The following PTPRD variants were observed in gnomAD, a reference collection of about 807,000 sequenced individuals.
The protein encoded by PTPRD is protein tyrosine phosphatase receptor type D.
Under a neutral mutation model 214.5 loss-of-function variants are expected in PTPRD, and 34 were observed. The ratio of observed to expected loss-of-function variants is 0.16; its 90% CI spans 0.12 to 0.21. The LOEUF (loss-of-function observed/expected upper bound fraction) is 0.21, where lower values mean the gene tolerates loss of function less well. PTPRD is among the 10% of genes least tolerant of loss of function. The pLI is 1.00. For synonymous variants in PTPRD, 1,128 were observed against 845.7 expected, an observed-to-expected ratio of 1.33 and a Z score of -5.79; for missense variants, 2,545 against 2,398.7, an observed-to-expected ratio of 1.06 and a Z score of -1.27.
intron 2 of PTPRD, among the ~76,000 whole-genome samples, chr9:10,372,836 C>T (rs201523876): frequency 6.8e-6 from 1 of 146,632 alleles, no homozygotes. Context: ...TGTTTTTATA[C>T]ATTATTATTA....
intron 10 of PTPRD, among the ~76,000 whole-genome samples, chr9:9,165,461 C>T (rs555504194): frequency 6.6e-6 from 1 of 152,244 alleles, no homozygotes; most frequent in African/African-American, 2.4e-5. Flanking sequence ...AGCGGCAAAG[C>T]CATTTGGTTG....
At chr9:8,326,045 A>G (rs562796317) in intron 44 of PTPRD, among the ~76,000 whole-genome samples, 4 of 152,242 alleles carry the variant, frequency 2.6e-5, no homozygotes, top group Admixed American at 6.5e-5. Context: ...ACTTTTTCTA[A>G]TTGAATAACA....
chr9:9,659,133 T>C (rs2096575947), intron 7 of PTPRD, among the ~76,000 whole-genome samples: 1 of 152,136 alleles, frequency 6.6e-6, no homozygotes, highest in Admixed American at 6.6e-5. Flanking sequence ...CACTAAACTA[T>C]ATATTAGTAT....
intron 2 of PTPRD, among the ~76,000 whole-genome samples, chr9:10,363,092 A>G (rs2097427435): frequency 6.6e-6 from 1 of 152,168 alleles, no homozygotes; most frequent in African/African-American, 2.4e-5. Context: ...CAGCAACTCT[A>G]TTATCTATCT....
chr9:9,829,902 C>T (rs1314836809), intron 5 of PTPRD, among the ~76,000 whole-genome samples: 4 of 151,708 alleles, frequency 2.6e-5, no homozygotes, highest in Non-Finnish European at 4.4e-5. Context: ...TGAGCCCCTA[C>T]AAATAATCAT....
chr9:9,864,911 T>C (rs944733018), intron 5 of PTPRD, among the ~76,000 whole-genome samples: 5 of 152,168 alleles, frequency 3.3e-5, no homozygotes, highest in Admixed American at 6.5e-5. Flanking sequence ...AAAAATTATA[T>C]TTTAGGATAA....
intron 2 of PTPRD, among the ~76,000 whole-genome samples, chr9:10,609,265 T>C (rs2080310001): frequency 6.6e-6 from 1 of 151,720 alleles, no homozygotes; most frequent in Non-Finnish European, 1.5e-5. Context: ...AATTCTGTAA[T>C]TTTGAAAATC....
At chr9:8,656,362 C>A (rs1486437745) in intron 12 of PTPRD, among the ~76,000 whole-genome samples, 3 of 152,186 alleles carry the variant, frequency 2.0e-5, no homozygotes, top group Non-Finnish European at 4.4e-5. Flanking sequence ...ACTTTCAGAG[C>A]CATCTCAAAT....
chr9:9,190,768 T>C (rs1412888068), intron 9 of PTPRD, among the ~76,000 whole-genome samples: 1 of 152,124 alleles, frequency 6.6e-6, no homozygotes, highest in Non-Finnish European at 1.5e-5. Context: ...CAACCCATGA[T>C]AGATAAGTGG....
chr9:10,230,432 C>G (rs1484768663), intron 3 of PTPRD, among the ~76,000 whole-genome samples: 1 of 103,532 alleles, frequency 9.7e-6, no homozygotes, highest in East Asian at 3.5e-4. Context: ...ATCTATGTAT[C>G]TATGTATCTA....
At chr9:9,140,788 C>G (rs534673800) in intron 10 of PTPRD, among the ~76,000 whole-genome samples, 1 of 152,262 alleles carries the variant, frequency 6.6e-6, no homozygotes, top group Admixed American at 6.5e-5. Context: ...CCGTATTAGC[C>G]AGGATGGTCT....
intron 3 of PTPRD, among the ~76,000 whole-genome samples, chr9:10,229,724 G>C (rs2099602056): frequency 8.1e-6 from 1 of 123,840 alleles, no homozygotes. Flanking sequence ...AGGTGGGAGG[G>C]ATAGCATCAG....
chr9:10,123,191 C>G (rs2098790367), intron 3 of PTPRD, among the ~76,000 whole-genome samples: 1 of 152,202 alleles, frequency 6.6e-6, no homozygotes, highest in Admixed American at 6.5e-5. Context: ...AAAGGGGACA[C>G]AGTGAATTGA....
At chr9:8,513,262 ACT>A (rs921945823) in intron 21 of PTPRD, among the ~76,000 whole-genome samples, 2 of 151,800 alleles carry the variant, frequency 1.3e-5, no homozygotes, top group South Asian at 2.1e-4. Flanking sequence ...AAGGAGAAAA[ACT>A]CTCTGACTGT....
At chr9:9,411,221 G>A (rs2075314608) in intron 8 of PTPRD, among the ~76,000 whole-genome samples, 1 of 146,666 alleles carries the variant, frequency 6.8e-6, no homozygotes, top group Admixed American at 6.8e-5. Flanking sequence ...ATTAGAGTTT[G>A]CAATAAATAA....
rs550306242 is a variant in PTPRD, at chr9:8,722,917, G to C, written c.64+10863C>G. On this transcript the variant is annotated intron_variant, in intron 12 of 45. Coordinates refer to ENST00000381196, the MANE Select transcript of PTPRD (RefSeq NM_002839.4). ...ATCGGCTGGTGCAAAGAAAATTTCAGTTAAGCTGTTTAGACAGTGAGTTTA... is the reference window on the plus strand; with the variant it reads ...ATCGGCTGGTGCAAAGAAAATTTCACTTAAGCTGTTTAGACAGTGAGTTTA... Among the ~76,000 whole-genome samples the C allele has an allele frequency of 1.3e-3, 195 of 152,288 alleles. 2 individuals are homozygous for C. Among genetic ancestry groups the C allele is most frequent in the African/African-American group, 4.5e-3 (187 of 41,560 alleles).
chr9:9,766,778 G>C (rs114917188), intron 6 of PTPRD, 32 bp downstream of exon 6: 1 of 152,332 alleles, frequency 6.6e-6, no homozygotes, highest in South Asian at 2.1e-4. Flanking sequence ...CATTTATGGA[G>C]AAATTTTAAA....
intron 9 of PTPRD, among the ~76,000 whole-genome samples, chr9:9,353,937 G>C (rs1013449185): frequency 6.6e-6 from 1 of 151,306 alleles, no homozygotes; most frequent in African/African-American, 2.4e-5. Flanking sequence ...GTTCTTTCAG[G>C]TTATTGAAAA....
At chr9:10,432,587 C>T (rs961344154) in intron 2 of PTPRD, among the ~76,000 whole-genome samples, 3 of 151,956 alleles carry the variant, frequency 2.0e-5, no homozygotes, top group African/African-American at 7.2e-5. Flanking sequence ...TCAATCCTCA[C>T]GACTTCTTAG....
Sources: gnomAD v4.1 joint callset for allele counts (sites outside exome capture counted in the v4.1 genomes callset) on GRCh38, gnomAD v4.1.1 for gene constraint, MANE v1.5 for transcripts, NCBI Gene and HGNC (gene_info 2026-07-23, HGNC 2026-07-21) for gene names.